The following CEP162 variants were observed in gnomAD, a reference collection of about 807,000 sequenced individuals.
The protein encoded by CEP162 is centrosomal protein of 162 kDa.
In CEP162, 141 loss-of-function variants were observed where a neutral mutation model predicts 169.2. The observed-to-expected ratio is 0.83, with a 90% CI of 0.73 to 0.96. The LOEUF is 0.96. Ranked by LOEUF, CEP162 falls within the 40% of genes least tolerant of loss-of-function variation. CEP162 has a pLI of 0.00. For missense variants in CEP162, 1,600 were observed against 1,587.2 expected (o/e 1.01, Z -0.14); for synonymous variants, 540 against 526.4 (o/e 1.03, Z -0.35).
chr6:84,193,990 TA>T (rs997397834), intron 10 of CEP162, among the ~76,000 whole-genome samples: 3 of 152,220 alleles, frequency 2.0e-5, no homozygotes, highest in African/African-American at 7.2e-5. Context: ...AATACAACTT[TA>T]ATATACGTAC....
At position 84,126,366 on chromosome 6, in the gene CEP162, G is replaced by C; in HGVS notation, c.4005+12C>G. Reference sequence around the variant, plus strand: ...AAGACCTATATAAATATGTAAATGTGATTTACTTTACCTGTTGAAGTTCCT... The same window carrying C: ...AAGACCTATATAAATATGTAAATGTCATTTACTTTACCTGTTGAAGTTCCT... On this transcript the variant is annotated intron_variant, in intron 26 of 26. Transcript: ENST00000403245. The C allele has an allele frequency of 6.4e-7, 1 of 1,563,822 alleles. No homozygotes were observed. Among genetic ancestry groups the C allele is most frequent in the Non-Finnish European group, 8.6e-7 (1 of 1,158,438 alleles).
At chr6:84,135,086 GA>G (rs920959353) in intron 25 of CEP162, among the ~76,000 whole-genome samples, 52 of 152,014 alleles carry the variant, frequency 3.4e-4, no homozygotes, top group African/African-American at 1.1e-3. Context: ...TTTATGAATA[GA>G]AAAAAATCTG....
At chr6:84,207,203 C>A (rs139415713) in intron 6 of CEP162, among the ~76,000 whole-genome samples, 2 of 152,116 alleles carry the variant, frequency 1.3e-5, no homozygotes, top group Non-Finnish European at 2.9e-5. Flanking sequence ...TTTGACCCAG[C>A]GATCCCATTA....
At chr6:84,192,170 T>C (rs891917960) in intron 11 of CEP162, among the ~76,000 whole-genome samples, 1 of 152,222 alleles carries the variant, frequency 6.6e-6, no homozygotes, top group African/African-American at 2.4e-5. Context: ...TTTCAAGGAT[T>C]ATGTTATAGC....
At chr6:84,125,339 C>CA in intron 26 of CEP162, 63 bp from the exon 27 acceptor site, 1 of 1,464,982 alleles carries the variant, frequency 6.8e-7, no homozygotes, top group South Asian at 1.2e-5. Context: ...GAACATTTAA[C>CA]AATCTTAAAG....
chr6:84,201,283 C>CAACAAACAAACA (rs143611774), intron 8 of CEP162, among the ~76,000 whole-genome samples: 15 of 151,374 alleles, frequency 9.9e-5, no homozygotes, highest in African/African-American at 3.2e-4. Context: ...GTCTCACAAA[C>CAACAAACAAACA]AACAAACAAA....
chr6:84,198,126 A>G (rs1349763853), intron 9 of CEP162, among the ~76,000 whole-genome samples: 1 of 152,200 alleles, frequency 6.6e-6, no homozygotes, highest in Non-Finnish European at 1.5e-5. Flanking sequence ...AAGTTAGCCA[A>G]TGTTTGAAAA....
Position 84,131,672 on chromosome 6 carries a change from TTTG to T in CEP162, c.3871-5163_3871-5161del, listed in dbSNP as rs965844484. Among the ~76,000 whole-genome samples, 451 of 150,436 alleles carry T rather than the reference TTTG, an allele frequency of 3.0e-3. 2 individuals are homozygous for T. Among genetic ancestry groups the T allele is most frequent in the African/African-American group, 0.01 (411 of 40,540 alleles). ...CTAGGATTGCAACCGCTGCTTTTTT[TTTG>T]TTTTGTTTTCCATTTGCTTGGTAGA... On this transcript the variant is annotated intron_variant, in intron 25 of 26. Transcript: ENST00000403245.
intron 25 of CEP162, among the ~76,000 whole-genome samples, chr6:84,131,599 C>G (rs1019401651): frequency 2.0e-5 from 3 of 151,240 alleles, no homozygotes; most frequent in Non-Finnish European, 4.4e-5. Flanking sequence ...ACCATTATGG[C>G]CTTGTCTCTT....
chr6:84,153,129 T>C lies in CEP162; in HGVS notation c.3045A>G (p.Lys1015=). The C allele has an allele frequency of 6.2e-7, 1 of 1,610,134 alleles. No homozygotes were observed. ...LEQQEQLLAC[K]LNQHDSPRIK... ...TTCTGGGAGAGTCATGTTGATTCAATTTGCAGGCAAGTAGCTGCTCCTGCT... is the reference window on the plus strand; with the variant it reads ...TTCTGGGAGAGTCATGTTGATTCAACTTGCAGGCAAGTAGCTGCTCCTGCT... Residue 1015 remains lysine, a synonymous_variant, in exon 23 of 27, where the codon AAA becomes AAG. Coordinates refer to ENST00000403245, the MANE Select transcript of CEP162 (RefSeq NM_014895.4).
chr6:84,158,020 CATATT>C (rs766734576), intron 21 of CEP162, among the ~76,000 whole-genome samples: 25 of 152,274 alleles, frequency 1.6e-4, no homozygotes, highest in Admixed American at 3.3e-4. Flanking sequence ...AAAACAATGA[CATATT>C]ATATAATGAA....
At position 84,126,480 on chromosome 6, in the gene CEP162, G is replaced by T; in HGVS notation, c.3903C>A (p.Ala1301=). The part of the protein sequence containing the change: ...ITKLLEELRE[A]KENHTPEMKH... ...TCATCTCTGGTGTATGGTTTTCTTT[G>T]GCTTCTCTCAATTCTTCTAAGAGTT... The change falls in exon 26 of 27, where the codon GCC becomes GCA. Residue 1301 remains alanine, a synonymous_variant. Coordinates refer to ENST00000403245, the MANE Select transcript of CEP162 (RefSeq NM_014895.4). 6.4e-7 allele frequency: 1 copy of T among 1,560,980 alleles called. No homozygotes were observed. Among genetic ancestry groups the T allele is most frequent in the South Asian group, 1.2e-5 (1 of 83,730 alleles).
At chr6:84,162,004 C>G (rs937622365) in intron 19 of CEP162, 95 bp from the exon 20 acceptor site, 3 of 733,334 alleles carry the variant, frequency 4.1e-6, no homozygotes, top group Admixed American at 6.2e-5. Flanking sequence ...CAATGCCCAT[C>G]TAATGACAGC....
chr6:84,145,316 C>A (rs1245069069), intron 25 of CEP162, among the ~76,000 whole-genome samples: 1 of 152,088 alleles, frequency 6.6e-6, no homozygotes, highest in Admixed American at 6.6e-5. Context: ...AATAAAGGGC[C>A]AATCTGAGAA....
At chr6:84,155,706 C>A (rs934367790) in intron 21 of CEP162, 196 bp from the exon 22 acceptor site, 3 of 537,226 alleles carry the variant, frequency 5.6e-6, no homozygotes, top group Non-Finnish European at 9.9e-6. Flanking sequence ...GCCAGGAGAA[C>A]TACAAACACT....
At chr6:84,208,209 G>A (rs1191661461) in intron 6 of CEP162, among the ~76,000 whole-genome samples, 3 of 152,094 alleles carry the variant, frequency 2.0e-5, no homozygotes, top group Non-Finnish European at 4.4e-5. Context: ...GAAGGAAAAA[G>A]TGTCTCCATG....
intron 6 of CEP162, among the ~76,000 whole-genome samples, chr6:84,206,191 A>C (rs1416962989): frequency 3.4e-5 from 5 of 149,250 alleles, no homozygotes; most frequent in Non-Finnish European, 7.3e-5. Context: ...GCTACCAATG[A>C]CTTTCTTCAC....
rs1031553047 is a variant in CEP162 at position 84,124,902 on chromosome 6, GT to G, written c.*167del. 2.1e-5 allele frequency: 13 copies of G among 633,482 alleles called. No individual in the cohort carries two copies. Among genetic ancestry groups the G allele is most frequent in the African/African-American group, 1.3e-4 (7 of 53,400 alleles). 39.2% of individuals were successfully genotyped at this position (633,482 alleles called of 1,614,324 possible). ...TTTTTAGTAAAATACACCATTATAT[GT>G]TTTTTTTCTTATTGGTTAAAGGCAA... is the stretch of plus-strand genomic sequence containing the variant. On this transcript the variant is annotated 3_prime_UTR_variant, in exon 27 of 27. Transcript: ENST00000403245.
intron 18 of CEP162, among the ~76,000 whole-genome samples, chr6:84,164,660 C>T (rs180935138): frequency 6.6e-6 from 1 of 152,050 alleles, no homozygotes; most frequent in African/African-American, 2.4e-5. Context: ...AACACATGGA[C>T]ACAGGGAGGG....
Sources: gnomAD v4.1 joint callset for allele counts (sites outside exome capture counted in the v4.1 genomes callset) on GRCh38, gnomAD v4.1.1 for gene constraint, MANE v1.5 for transcripts, NCBI Gene and HGNC (gene_info 2026-07-23, HGNC 2026-07-21) for gene names.